Variants in GRM4 observed in about 807,000 individuals in gnomAD.
GRM4 encodes the protein glutamate metabotropic receptor 4.
A neutral mutation model predicts 81.7 loss-of-function variants in GRM4; 28 were observed. The observed-to-expected ratio is 0.34, with a 90% confidence interval of 0.25 to 0.47. GRM4 has a LOEUF of 0.47. Among genes scored for constraint, GRM4 ranks in the 20% least tolerant of loss-of-function variants. The pLI is 1.00. For synonymous variants in GRM4, 488 were observed against 528.8 expected, an observed-to-expected ratio of 0.92 and a Z score of 1.06; for missense variants, 948 against 1,290.0, an observed-to-expected ratio of 0.73 and a Z score of 4.06.
At chr6:34,107,379 T>C (rs730638) in intron 2 of GRM4, among the ~76,000 whole-genome samples, 97,113 of 152,014 alleles carry the variant, frequency 0.64, 31,253 homozygotes, top group Admixed American at 0.71. Flanking sequence ...CCTGGCGCCA[T>C]GGCAAGCACC....
Position 34,089,750 on chromosome 6 carries a change from T to TA in GRM4, c.736+2132dup, listed in dbSNP as rs201754177. Among the ~76,000 whole-genome samples, 1,089 of 150,230 alleles carry TA rather than the reference T, an allele frequency of 7.2e-3. 21 individuals carry two copies. The highest frequency in any genetic ancestry group is 0.025 in the African/African-American group (1,020 of 41,004). On this transcript the variant is annotated intron_variant, in intron 3 of 10. Transcript: ENST00000538487. This position sits in a 1 kb window ranked among gnomAD's most constrained non-coding sequence, Gnocchi z 4.3. ...CGCCCAATACTTGATTAGATGTTGA[T>TA]AAAAAAAAAATTAAACAATAGGCTT...
intron 3 of GRM4, among the ~76,000 whole-genome samples, chr6:34,075,865 T>C (rs1300435839): frequency 1.3e-5 from 2 of 152,216 alleles, no homozygotes; most frequent in Admixed American, 6.5e-5. Context: ...CCACCCCGTT[T>C]CCATGCTCAA....
At chr6:34,097,649 G>T (rs1415187002) in intron 2 of GRM4, among the ~76,000 whole-genome samples, 1 of 152,198 alleles carries the variant, frequency 6.6e-6, no homozygotes, top group South Asian at 2.1e-4. Context: ...CTGAAAACCC[G>T]CTGAGGGCAG....
Position 34,019,350 on chromosome 6 carries a change from G to C in GRM4, c.*3471C>G, listed in dbSNP as rs1211428964. 1 of 152,272 alleles carries C rather than the reference G, an allele frequency of 6.6e-6. No homozygotes were observed. The highest frequency in any genetic ancestry group is 1.5e-5 in the Non-Finnish European group (1 of 68,084). The allele number at this position is 152,272 out of a possible 1,614,324, so 9.4% of individuals were successfully genotyped here. ...TGGGTGTCTGCTCAGGCTGGCAGCA[G>C]CCCAGCCTTGGGCTTGAGCCCCAGG... On this transcript the variant is annotated 3_prime_UTR_variant, in exon 11 of 11. Coordinates refer to ENST00000538487, the MANE Select transcript of GRM4 (RefSeq NM_000841.4).
chr6:34,082,737 C>T (rs184045891), intron 3 of GRM4, among the ~76,000 whole-genome samples: 116 of 152,366 alleles, frequency 7.6e-4, no homozygotes, highest in Admixed American at 1.2e-3. Context: ...TAGGTATTCA[C>T]GCACTTAACC....
At chr6:34,071,597 T>TACAGACCACACACAC in intron 3 of GRM4, among the ~76,000 whole-genome samples, 1 of 122,788 alleles carries the variant, frequency 8.1e-6, no homozygotes, top group Non-Finnish European at 1.8e-5. Context: ...ACCACACAGA[T>TACAGACCACACACAC]ACATACCACA....
intron 3 of GRM4, among the ~76,000 whole-genome samples, chr6:34,073,062 A>G (rs1767065106): frequency 1.4e-5 from 2 of 147,176 alleles, no homozygotes. Flanking sequence ...ATCACCACAC[A>G]GATACACACC....
In GRM4 at chr6:34,018,888, G is replaced by A. The variant is rs1445125611; in HGVS notation, c.*3933C>T. On this transcript the variant is annotated 3_prime_UTR_variant, in exon 11 of 11. Transcript: ENST00000538487. The stretch of plus-strand genomic sequence containing the variant: ...GGGGCAGCCAGGACCATCCAGGGCA[G>A]GCAGGATGACAGAAGGAGCCCTCAG... 1 of 152,660 alleles carries A rather than the reference G, an allele frequency of 6.6e-6. No individual in the cohort carries two copies. 9.5% of individuals were successfully genotyped at this position (152,660 alleles called of 1,614,324 possible).
At chr6:34,118,964 C>T (rs571616756) in intron 2 of GRM4, among the ~76,000 whole-genome samples, 2 of 152,324 alleles carry the variant, frequency 1.3e-5, no homozygotes, top group Non-Finnish European at 2.9e-5. Flanking sequence ...ATCAGGTACT[C>T]GCTGCTAACT....
intron 1 of GRM4, among the ~76,000 whole-genome samples, chr6:34,135,241 C>T (rs182897628): frequency 2.0e-5 from 3 of 152,320 alleles, no homozygotes; most frequent in Admixed American, 2.0e-4. Context: ...CAGTTCTGGG[C>T]CAAGGGGAGG....
rs1271221090 is a variant in GRM4, at chr6:34,136,371, C to T, written c.-363-2512G>A. Among the ~76,000 whole-genome samples, 1 of 152,040 alleles carries T rather than the reference C, an allele frequency of 6.6e-6. No individual in the cohort carries two copies. Among genetic ancestry groups the T allele is most frequent in the African/African-American group, 2.4e-5 (1 of 41,380 alleles). On this transcript the variant is annotated intron_variant, in intron 1 of 10. Coordinates refer to ENST00000538487, the MANE Select transcript of GRM4 (RefSeq NM_000841.4). The surrounding 1 kb of genome is among the most constrained non-coding windows in gnomAD (Gnocchi z 4.1). ...ATGATCGGTTTCCATGAATTTCAAA[C>T]AGAGGGCTTTTTGGCATCATGACAG... is the stretch of plus-strand genomic sequence containing the variant.
intron 3 of GRM4, among the ~76,000 whole-genome samples, chr6:34,085,982 G>A (rs77620178): frequency 6.6e-6 from 1 of 152,310 alleles, no homozygotes; most frequent in Non-Finnish European, 1.5e-5. Context: ...GAGGCGAGCT[G>A]GTGCCTGGAA....
chr6:34,068,106 C>T lies in GRM4; in HGVS notation c.737-6078G>A, dbSNP rs952090040. ...AGGGTGGGAAGGAACCGTAAACATC[C>T]TGGAATCGGTGCAGAGGAGGACAGC... On this transcript the variant is annotated intron_variant, in intron 3 of 10. Transcript: ENST00000538487. The surrounding 1 kb of genome is among the most constrained non-coding windows in gnomAD (Gnocchi z 4.2). 6.6e-6 allele frequency among the ~76,000 whole-genome samples: 1 copy of T among 152,248 alleles called. No homozygotes were observed. Among genetic ancestry groups the T allele is most frequent in the African/African-American group, 2.4e-5 (1 of 41,468 alleles).
intron 6 of GRM4, among the ~76,000 whole-genome samples, chr6:34,043,188 G>GTCGT (rs1765099045): frequency 1.3e-5 from 2 of 152,186 alleles, no homozygotes; most frequent in African/African-American, 4.8e-5. Flanking sequence ...TTTGACTTGG[G>GTCGT]TCGTGTCTGC....
upstream of GRM4, among the ~76,000 whole-genome samples, chr6:34,148,511 G>A (rs147346930): frequency 2.3e-3 from 355 of 152,278 alleles, 1 homozygote; most frequent in East Asian, 0.019. Context: ...CCATGCTGTG[G>A]GAGAAAAGCA....
chr6:34,091,880 C>T lies in GRM4; in HGVS notation c.736+3G>A, dbSNP rs1768239137. The T allele has an allele frequency of 3.7e-6, 6 of 1,607,098 alleles. No homozygotes were observed. The highest frequency in any genetic ancestry group is 5.1e-6 in the Non-Finnish European group (6 of 1,174,724). On this transcript the variant is annotated splice_donor_region_variant and intron_variant, in intron 3 of 10. Transcript: ENST00000538487. The stretch of plus-strand genomic sequence containing the variant: ...TGACTCTGCGGCCAGGCGTTTGACT[C>T]ACCGTCCTCACGGGACTTCTGGATG...
At chr6:34,028,855 GC>G (rs1370876051) in intron 9 of GRM4, among the ~76,000 whole-genome samples, 1 of 152,132 alleles carries the variant, frequency 6.6e-6, no homozygotes, top group Non-Finnish European at 1.5e-5. Flanking sequence ...CCACGTCACA[GC>G]CCCTCGGATC....
At position 34,036,053 on chromosome 6, in the gene GRM4, C is replaced by A. The variant is rs759826590; in HGVS notation, c.2057G>T (p.Arg686Leu). 6.2e-7 allele frequency: 1 copy of A among 1,614,128 alleles called. No homozygotes were observed. The highest frequency in any genetic ancestry group is 2.2e-5 in the East Asian group (1 of 44,886). Reference protein sequence around the residue: ...RIYRIFEQGKRSVSAPRFISP... With the variant: ...RIYRIFEQGKLSVSAPRFISP... Reference sequence around the variant, plus strand: ...GATGAAGCGTGGGGCACTGACCGAGCGCTTGCCCTGCTCGAAGATGCGGTA... The same window carrying A: ...GATGAAGCGTGGGGCACTGACCGAGAGCTTGCCCTGCTCGAAGATGCGGTA... The change falls in exon 9 of 11, where the codon CGC becomes CTC. Residue 686 changes from arginine to leucine, a missense_variant. By Grantham distance (102) the Arg-to-Leu change is moderately radical. Coordinates refer to ENST00000538487, the MANE Select transcript of GRM4 (RefSeq NM_000841.4). The surrounding 1 kb of genome is among the most constrained non-coding windows in gnomAD (Gnocchi z 9.0).
Position 34,111,895 on chromosome 6 carries a change from C to A in GRM4, c.520-19796G>T, listed in dbSNP as rs182268450. 2.0e-5 allele frequency among the ~76,000 whole-genome samples: 3 copies of A among 152,156 alleles called. No individual in the cohort carries two copies. Among genetic ancestry groups the A allele is most frequent in the South Asian group, 2.1e-4 (1 of 4,830 alleles). ...AGTGTGGCCAGACCAGACGCACCCCCACCTGTTCCATTTCCTGATTGTCCA... is the reference window on the plus strand; with the variant it reads ...AGTGTGGCCAGACCAGACGCACCCCAACCTGTTCCATTTCCTGATTGTCCA... On this transcript the variant is annotated intron_variant, in intron 2 of 10. Coordinates refer to ENST00000538487, the MANE Select transcript of GRM4 (RefSeq NM_000841.4). This position sits in a 1 kb window ranked among gnomAD's most constrained non-coding sequence, Gnocchi z 5.1.
Sources: allele counts gnomAD v4.1 joint callset (sites outside exome capture counted in the v4.1 genomes callset), GRCh38; gene constraint gnomAD v4.1.1; non-coding constraint Gnocchi (gnomAD v3.1); transcripts MANE v1.5; gene names NCBI Gene and HGNC (gene_info 2026-07-23, HGNC 2026-07-21).